The following SPIB variants were observed in gnomAD, a reference collection of about 807,000 sequenced individuals.
SPIB encodes the protein transcription factor Spi-B.
Under a neutral mutation model 31.9 loss-of-function variants are expected in SPIB, and 7 were observed. That is an observed-to-expected ratio of 0.22 (90% CI 0.12 to 0.41). SPIB has a LOEUF of 0.41. Among genes scored for constraint, SPIB ranks in the 10% least tolerant of loss-of-function variants. SPIB has a pLI of 1.00. For missense variants in SPIB, 327 were observed against 360.2 expected, an observed-to-expected ratio of 0.91 and a Z score of 0.75; for synonymous variants, 176 against 158.9, an observed-to-expected ratio of 1.11 and a Z score of -0.81.
chr19:50,419,347 C>G (rs2039455784), intron 1 of SPIB, among the ~76,000 whole-genome samples: 1 of 152,166 alleles, frequency 6.6e-6, no homozygotes, highest in African/African-American at 2.4e-5. Flanking sequence ...CTGCCTGTTG[C>G]TCTCTGTCTC....
intron 4 of SPIB, 31 bp downstream of exon 4, chr19:50,423,068 C>A: frequency 9.0e-7 from 1 of 1,112,664 alleles, no homozygotes; most frequent in Non-Finnish European, 1.3e-6. Flanking sequence ...TAAAATCAAG[C>A]CCAAACCAGG....
intron 2 of SPIB, among the ~76,000 whole-genome samples, chr19:50,420,319 C>G (rs1216721429): frequency 6.6e-6 from 1 of 152,168 alleles, no homozygotes; most frequent in African/African-American, 2.4e-5. Context: ...AACCCACAAT[C>G]CAGTCTGAGT....
rs1468729330 is a variant in SPIB at position 50,428,359 on chromosome 19, C to T, written c.*23C>T. The T allele has an allele frequency of 3.4e-5, 52 of 1,515,868 alleles. No homozygotes were observed. The highest frequency in any genetic ancestry group is 1.5e-4 in the Admixed American group (7 of 46,170). The allele number at this position is 1,515,868 out of a possible 1,614,324, so 93.9% of individuals were successfully genotyped here. ...TGAGCACACCCGAGGCTCCCACCTG[C>T]GGAGCCGCTGGGGGACCTCACGTCC... On this transcript the variant is annotated 3_prime_UTR_variant, in exon 6 of 6. Transcript: ENST00000595883. The surrounding 1 kb of genome is among the most constrained non-coding windows in gnomAD (Gnocchi z 6.5).
intron 5 of SPIB, among the ~76,000 whole-genome samples, chr19:50,425,064 T>G (rs1202544027): frequency 6.6e-6 from 1 of 151,820 alleles, no homozygotes; most frequent in Non-Finnish European, 1.5e-5. Flanking sequence ...TGGAGTGCAG[T>G]GGCACGATCT....
chr19:50,427,964 T>C (rs1038410064), intron 5 of SPIB, 74 bp from the exon 6 acceptor site: 15 of 1,419,526 alleles, frequency 1.1e-5, no homozygotes, highest in Non-Finnish European at 1.1e-5. Flanking sequence ...GGTGGAAGTC[T>C]CGGAGGAGGG....
In SPIB at chr19:50,430,189, G is replaced by A. The variant is rs10412860; in HGVS notation, c.*1853G>A. ...ATTTGTTCTCCAATCTGCCCCAGTC[G>A]CTGCCATCCCTGGCTATCTCACCCT... On this transcript the variant is annotated 3_prime_UTR_variant, in exon 6 of 6. Transcript: ENST00000595883. 0.031 allele frequency: 4,688 copies of A among 152,300 alleles called. 230 individuals are homozygous for A. Among genetic ancestry groups the A allele is most frequent in the African/African-American group, 0.11 (4,413 of 41,504 alleles). 9.4% of individuals were successfully genotyped at this position (152,300 alleles called of 1,614,324 possible). A position where few individuals can be genotyped will look rare whatever the true frequency, so the allele number is the denominator to read the frequency against.
intron 2 of SPIB, among the ~76,000 whole-genome samples, 179 bp from the exon 3 acceptor site, chr19:50,422,294 T>A (rs2039505564): frequency 6.6e-6 from 1 of 152,174 alleles, no homozygotes; most frequent in African/African-American, 2.4e-5. Flanking sequence ...TCTCTGTATC[T>A]CTGTCTCTTT....
At chr19:50,422,605 C>A in intron 3 of SPIB, 60 bp downstream of exon 3, 1 of 1,572,180 alleles carries the variant, frequency 6.4e-7, no homozygotes, top group Non-Finnish European at 8.7e-7. Flanking sequence ...GATAGGGGAG[C>A]TGAGGCCCAG....
chr19:50,420,406 T>A (rs993990620), intron 2 of SPIB, among the ~76,000 whole-genome samples: 3 of 152,030 alleles, frequency 2.0e-5, no homozygotes, highest in African/African-American at 7.2e-5. Context: ...CCATGTTTTT[T>A]TTGTTTGTTT....
intron 5 of SPIB, among the ~76,000 whole-genome samples, chr19:50,427,672 C>A (rs1367290767): frequency 1.3e-5 from 2 of 152,252 alleles, no homozygotes; most frequent in African/African-American, 4.8e-5. Flanking sequence ...TTCGCCTCTC[C>A]GTTATAATCC....
chr19:50,424,623 A>G (rs1601264605), intron 5 of SPIB, among the ~76,000 whole-genome samples: 1 of 152,262 alleles, frequency 6.6e-6, no homozygotes, highest in East Asian at 1.9e-4. Flanking sequence ...TTTACTAAAA[A>G]TACAAAAATT....
In SPIB at chr19:50,423,601, G is replaced by T. The variant is rs375899923; in HGVS notation, c.340-4G>T. The T allele has an allele frequency of 6.2e-7, 1 of 1,612,960 alleles. No individual in the cohort carries two copies. The highest frequency in any genetic ancestry group is 8.5e-7 in the Non-Finnish European group (1 of 1,179,380). Reference sequence around the variant, plus strand: ...GACATGCAGGTGACCCTGACCTTCCGCAGACCCTGGTTCCCCCGGCATATG... The same window carrying T: ...GACATGCAGGTGACCCTGACCTTCCTCAGACCCTGGTTCCCCCGGCATATG... On this transcript the variant is annotated splice_polypyrimidine_tract_variant and splice_region_variant and intron_variant, in intron 4 of 5. Transcript: ENST00000595883.
chr19:50,421,899 G>A (rs998338076), intron 2 of SPIB, among the ~76,000 whole-genome samples: 2 of 151,960 alleles, frequency 1.3e-5, no homozygotes, highest in South Asian at 2.1e-4. Context: ...ACAGGCGTGC[G>A]CCACCACGCC....
chr19:50,420,465 G>A (rs2039480709), intron 2 of SPIB, among the ~76,000 whole-genome samples: 1 of 152,118 alleles, frequency 6.6e-6, no homozygotes, highest in African/African-American at 2.4e-5. Context: ...TCAGTAAAGT[G>A]ACAAATCTTG....
At chr19:50,423,852 A>C in intron 5 of SPIB, 97 bp downstream of exon 5, 3 of 1,396,556 alleles carry the variant, frequency 2.1e-6, no homozygotes, top group Non-Finnish European at 2.9e-6. Flanking sequence ...ATACTCCAGC[A>C]CTCTGGGCAG....
chr19:50,427,582 C>G (rs921847680), intron 5 of SPIB, among the ~76,000 whole-genome samples: 1 of 152,212 alleles, frequency 6.6e-6, no homozygotes, highest in African/African-American at 2.4e-5. Context: ...CTCCCGGGAC[C>G]CTGTCCCGCT....
chr19:50,419,027 G>A, intron 1 of SPIB, 42 bp downstream of exon 1: 1 of 1,549,562 alleles, frequency 6.5e-7, no homozygotes, highest in Non-Finnish European at 8.7e-7. Context: ...GTCCCCACCT[G>A]CACTGCCCCT....
At chr19:50,427,629 A>T (rs182934136) in intron 5 of SPIB, among the ~76,000 whole-genome samples, 141 of 152,342 alleles carry the variant, frequency 9.3e-4, no homozygotes, top group Admixed American at 2.4e-3. Flanking sequence ...AGCTGGAGAG[A>T]TAGCCAGGCC....
chr19:50,426,589 G>A (rs976113841), intron 5 of SPIB, among the ~76,000 whole-genome samples: 3 of 152,084 alleles, frequency 2.0e-5, no homozygotes, highest in Non-Finnish European at 2.9e-5. Context: ...TGCCTCCTGG[G>A]CTAAAGTGAT....
Sources: gnomAD v4.1 joint callset for allele counts (sites outside exome capture counted in the v4.1 genomes callset) on GRCh38, gnomAD v4.1.1 for gene constraint, Gnocchi (gnomAD v3.1) non-coding constraint, MANE v1.5 for transcripts, NCBI Gene and HGNC (gene_info 2026-07-23, HGNC 2026-07-21) for gene names.